RUNX2: variants seen among roughly 807,000 people sequenced by gnomAD.
RUNX2 encodes the protein runt-related transcription factor 2.
Under a neutral mutation model 51.7 loss-of-function variants are expected in RUNX2, and 10 were observed. That is an observed-to-expected ratio of 0.19 (90% CI 0.12 to 0.33). The LOEUF (loss-of-function observed/expected upper bound fraction) is 0.33. RUNX2 is among the 10% of genes least tolerant of loss of function. The pLI is 1.00. For missense variants in RUNX2, 562 were observed against 691.3 expected (o/e 0.81, Z 2.10); for synonymous variants, 276 against 273.6 (o/e 1.01, Z -0.09).
chr6:45,422,939 C>T lies in RUNX2; in HGVS notation c.405C>T (p.Thr135=). Residue 135 remains threonine, a synonymous_variant, in exon 3 of 9, where the codon ACC becomes ACT. Transcript: ENST00000647337. ...CCTCGCACTGGCGCTGCAACAAGAC[C>T]CTGCCCGTGGCCTTCAAGGTAAGAG... is the stretch of plus-strand genomic sequence containing the variant. ...VLPSHWRCNK[T]LPVAFKVVAL... 6.2e-7 allele frequency: 1 copy of T among 1,611,842 alleles called. No homozygotes were observed. Among genetic ancestry groups the T allele is most frequent in the Non-Finnish European group, 8.5e-7 (1 of 1,179,604 alleles).
intron 2 of RUNX2, among the ~76,000 whole-genome samples, chr6:45,404,956 C>T (rs1036059053): frequency 6.6e-6 from 1 of 152,206 alleles, no homozygotes; most frequent in Non-Finnish European, 1.5e-5. Context: ...AAACTTATCC[C>T]GGTTGCTGGA....
At chr6:45,409,607 A>G (rs890363752) in intron 2 of RUNX2, among the ~76,000 whole-genome samples, 2 of 152,198 alleles carry the variant, frequency 1.3e-5, no homozygotes, top group Non-Finnish European at 2.9e-5. Context: ...CCCAATTTAT[A>G]TTCCCAACAA....
intron 2 of RUNX2, among the ~76,000 whole-genome samples, chr6:45,329,546 T>C (rs1454483688): frequency 6.6e-6 from 1 of 151,962 alleles, no homozygotes; most frequent in East Asian, 1.9e-4. Context: ...ATAGACCTTG[T>C]TATAAACACA....
At chr6:45,370,978 T>G (rs1243773325) in intron 2 of RUNX2, among the ~76,000 whole-genome samples, 1 of 152,196 alleles carries the variant, frequency 6.6e-6, no homozygotes, top group African/African-American at 2.4e-5. Flanking sequence ...CCTATCAGAT[T>G]ATCCTTAAGC....
At chr6:45,462,564 G>A (rs1450712835) in intron 5 of RUNX2, among the ~76,000 whole-genome samples, 5 of 152,114 alleles carry the variant, frequency 3.3e-5, no homozygotes, top group Non-Finnish European at 7.3e-5. Context: ...AATTCGTCAG[G>A]GCTAGGACTC....
At chr6:45,522,874 T>C (rs1314861284) in intron 7 of RUNX2, among the ~76,000 whole-genome samples, 1 of 152,210 alleles carries the variant, frequency 6.6e-6, no homozygotes, top group Non-Finnish European at 1.5e-5. Flanking sequence ...TAAGATTCTA[T>C]AGGAGACTAA....
At chr6:45,422,144 G>C in intron 2 of RUNX2, 1 of 156,456 alleles carries the variant, frequency 6.4e-6, no homozygotes, top group East Asian at 1.9e-4. Flanking sequence ...CGGCCCCGGG[G>C]CTGGACTGCT....
chr6:45,365,428 C>CA, intron 2 of RUNX2: 1 of 622,046 alleles, frequency 1.6e-6, no homozygotes, highest in Non-Finnish European at 2.7e-6. Context: ...TTGTTTTGCA[C>CA]AAAACTGATT....
At chr6:45,455,703 T>A (rs1289827321) in intron 5 of RUNX2, among the ~76,000 whole-genome samples, 1 of 152,190 alleles carries the variant, frequency 6.6e-6, no homozygotes, top group African/African-American at 2.4e-5. Context: ...AGGAGCAAGG[T>A]AAAGAGAGAC....
intron 2 of RUNX2, among the ~76,000 whole-genome samples, chr6:45,378,238 C>T (rs934771395): frequency 4.6e-5 from 7 of 152,298 alleles, no homozygotes; most frequent in African/African-American, 1.4e-4. Flanking sequence ...TCAGGGTGTA[C>T]AGGGTGCAGG....
intron 2 of RUNX2, among the ~76,000 whole-genome samples, chr6:45,335,582 A>C (rs1008307749): frequency 1.9e-4 from 29 of 151,332 alleles, no homozygotes; most frequent in Admixed American, 1.3e-4. Flanking sequence ...GATATCTGTA[A>C]CAACTGTACA....
Position 45,546,905 on chromosome 6 carries a change from A to C in RUNX2, c.1166A>C (p.Asn389Thr), listed in dbSNP as rs115347084. The C allele has an allele frequency of 1.2e-6, 2 of 1,613,886 alleles. No homozygotes were observed. The highest frequency in any genetic ancestry group is 1.7e-6 in the Non-Finnish European group (2 of 1,179,958). ...ISSLTESRFSNPRMHYPATFT... is the reference protein window; with the variant it reads ...ISSLTESRFSTPRMHYPATFT... ...TCCCTCACTGAGAGCCGCTTCTCCA[A>C]CCCACGAATGCACTATCCAGCCACC... Residue 389 changes from asparagine (N) to threonine (T), a missense_variant, in exon 9 of 9, where the codon AAC (asparagine) becomes ACC (threonine). Asn to Thr is a moderately conservative substitution (Grantham distance 65). Transcript: ENST00000647337.
At chr6:45,444,984 T>A (rs762994066) in intron 5 of RUNX2, among the ~76,000 whole-genome samples, 1 of 152,220 alleles carries the variant, frequency 6.6e-6, no homozygotes, top group Non-Finnish European at 1.5e-5. Context: ...TGCCAAAGGC[T>A]AGCCCATGAC....
rs1421970328 is a variant in RUNX2, at chr6:45,547,192, C to T, written c.1453C>T (p.Pro485Ser). Residue 485 changes from proline (P) to serine (S), a missense_variant, in exon 9 of 9, where the codon CCA (proline) becomes TCA (serine). Coordinates refer to ENST00000647337, the MANE Select transcript of RUNX2 (RefSeq NM_001024630.4). Reference protein sequence around the residue: ...TTSNGSTLLNPNLPNQNDGVD... With the variant: ...TTSNGSTLLNSNLPNQNDGVD... ...CTCGAATGGCAGCACGCTATTAAAT[C>T]CAAATTTGCCTAACCAGAATGATGG... The T allele has an allele frequency of 3.1e-6, 5 of 1,614,166 alleles. 2 individuals are homozygous for T. The Admixed American group carries it at 8.3e-5, about 27-fold the overall frequency.
chr6:45,535,313 G>A (rs994183397), intron 7 of RUNX2, among the ~76,000 whole-genome samples: 3 of 152,062 alleles, frequency 2.0e-5, no homozygotes, highest in Non-Finnish European at 4.4e-5. Flanking sequence ...TTATAAGAAA[G>A]ATACAAATGG....
At chr6:45,518,864 A>G (rs182263279) in intron 7 of RUNX2, among the ~76,000 whole-genome samples, 1 of 152,350 alleles carries the variant, frequency 6.6e-6, no homozygotes, top group East Asian at 1.9e-4. Context: ...TTAATTTTCT[A>G]ACGATAGATA....
intron 5 of RUNX2, among the ~76,000 whole-genome samples, chr6:45,482,191 TC>T (rs1800137002): frequency 6.6e-6 from 1 of 152,242 alleles, no homozygotes; most frequent in African/African-American, 2.4e-5. Flanking sequence ...TTTCATCCAA[TC>T]TTTTTAAAAA....
intron 2 of RUNX2, among the ~76,000 whole-genome samples, chr6:45,400,351 T>C (rs1797686655): frequency 6.6e-6 from 1 of 152,200 alleles, no homozygotes; most frequent in African/African-American, 2.4e-5. Flanking sequence ...GGGTTTTCTT[T>C]CCTGTCTAAC....
intron 7 of RUNX2, among the ~76,000 whole-genome samples, chr6:45,535,862 T>A (rs1030913325): frequency 6.6e-6 from 1 of 151,498 alleles, no homozygotes; most frequent in Non-Finnish European, 1.5e-5. Context: ...GCACAGAAGA[T>A]GGAAAAGGGT....
Sources: allele counts gnomAD v4.1 joint callset (sites outside exome capture counted in the v4.1 genomes callset), GRCh38; gene constraint gnomAD v4.1.1; transcripts MANE v1.5; gene names NCBI Gene and HGNC (gene_info 2026-07-23, HGNC 2026-07-21).